The following AFF3 variants were observed in gnomAD, a reference collection of about 807,000 sequenced individuals.
The protein encoded by AFF3 is ALF transcription elongation factor 3, also known as AF4/FMR2 family member 3.
A neutral mutation model predicts 129.7 loss-of-function variants in AFF3; 32 were observed. That is an observed-to-expected ratio of 0.25 (90% CI 0.19 to 0.33). The LOEUF (loss-of-function observed/expected upper bound fraction) is 0.33, where lower values mean the gene tolerates loss of function less well. Among genes scored for constraint, AFF3 ranks in the 10% least tolerant of loss-of-function variants. AFF3 has a pLI of 1.00. For missense variants in AFF3, 1,373 were observed against 1,592.0 expected, an observed-to-expected ratio of 0.86 and a Z score of 2.34; for synonymous variants, 644 against 635.4, an observed-to-expected ratio of 1.01 and a Z score of -0.20.
At chr2:99,999,837 C>T (rs1681216490) in intron 7 of AFF3, among the ~76,000 whole-genome samples, 1 of 152,170 alleles carries the variant, frequency 6.6e-6, no homozygotes, top group African/African-American at 2.4e-5. Context: ...GACATTCCAG[C>T]TCTAGAACCC....
chr2:99,591,430 G>A (rs1002547095), intron 15 of AFF3, among the ~76,000 whole-genome samples: 4 of 152,056 alleles, frequency 2.6e-5, no homozygotes, highest in Admixed American at 6.6e-5. Flanking sequence ...CAGGCAATCC[G>A]CCCATCTCAG....
intron 11 of AFF3, among the ~76,000 whole-genome samples, chr2:99,719,109 G>C (rs1273522885): frequency 8.5e-6 from 1 of 117,786 alleles, no homozygotes; most frequent in Non-Finnish European, 1.7e-5. Flanking sequence ...TTTCCTTCTA[G>C]TCCTAGTTGG....
Position 100,048,508 on chromosome 2 carries a change from A to C in AFF3, c.54-39576T>G, listed in dbSNP as rs1183514371. ...AGTTTTACATGTAATGTACTATGGA[A>C]GTGTATGATTTAATTAGTGAAACCC... On this transcript the variant is annotated intron_variant, in intron 4 of 24. Coordinates refer to ENST00000672756, the MANE Select transcript of AFF3 (RefSeq NM_001386135.1). Among the ~76,000 whole-genome samples, 3 of 152,360 alleles carry C rather than the reference A, an allele frequency of 2.0e-5. No individual in the cohort carries two copies. In the East Asian group the frequency reaches 5.8e-4, roughly 29 times the overall value.
intron 8 of AFF3, among the ~76,000 whole-genome samples, chr2:99,771,262 T>C (rs903887658): frequency 6.6e-6 from 1 of 151,976 alleles, no homozygotes; most frequent in African/African-American, 2.4e-5. Context: ...AGGCCTGCCA[T>C]GGGGGATCAT....
At chr2:99,985,446 C>A (rs529010710) in intron 7 of AFF3, among the ~76,000 whole-genome samples, 52 of 152,238 alleles carry the variant, frequency 3.4e-4, no homozygotes, top group Admixed American at 8.5e-4. Flanking sequence ...CTGCATGGCA[C>A]ATGCAGTAAA....
At chr2:99,814,583 A>C (rs1687065950) in intron 8 of AFF3, among the ~76,000 whole-genome samples, 2 of 152,230 alleles carry the variant, frequency 1.3e-5, no homozygotes, top group East Asian at 1.9e-4. Flanking sequence ...GAACCCTCCA[A>C]TCTCCAATGC....
intron 4 of AFF3, among the ~76,000 whole-genome samples, chr2:100,060,376 C>A (rs1573297318): frequency 6.6e-6 from 1 of 152,124 alleles, no homozygotes; most frequent in African/African-American, 2.4e-5. Flanking sequence ...CTAGAAGGAA[C>A]AAAATAGGGC....
intron 7 of AFF3, among the ~76,000 whole-genome samples, chr2:99,907,376 G>A (rs141609790): frequency 2.6e-5 from 4 of 152,138 alleles, no homozygotes; most frequent in African/African-American, 4.8e-5. Flanking sequence ...CAAGATTAAA[G>A]TGAAGTAATT....
chr2:100,085,932 G>A (rs1689388527), intron 4 of AFF3, among the ~76,000 whole-genome samples: 1 of 152,216 alleles, frequency 6.6e-6, no homozygotes, highest in African/African-American at 2.4e-5. Context: ...CCCGCTGACT[G>A]AGGGTAACTA....
chr2:99,785,938 G>C (rs1684756030), intron 8 of AFF3, among the ~76,000 whole-genome samples: 2 of 152,016 alleles, frequency 1.3e-5, no homozygotes, highest in Admixed American at 6.5e-5. Flanking sequence ...TAGTACAGAT[G>C]GGGTTTCACC....
chr2:99,879,026 T>C (rs1692499735), intron 7 of AFF3, among the ~76,000 whole-genome samples: 2 of 152,146 alleles, frequency 1.3e-5, no homozygotes, highest in South Asian at 2.1e-4. Context: ...ATCAAGTCTA[T>C]ACTCATGGGC....
At chr2:99,755,009 TC>T (rs1681973602) in intron 8 of AFF3, among the ~76,000 whole-genome samples, 1 of 152,136 alleles carries the variant, frequency 6.6e-6, no homozygotes, top group Non-Finnish European at 1.5e-5. Flanking sequence ...CTTTCTTTCT[TC>T]CTTCCCTCCA....
At chr2:99,664,263 A>T (rs1466896276) in intron 12 of AFF3, among the ~76,000 whole-genome samples, 1 of 152,254 alleles carries the variant, frequency 6.6e-6, no homozygotes, top group Non-Finnish European at 1.5e-5. Context: ...CCAGTGTGAA[A>T]ATCATAGGTG....
At chr2:99,620,870 T>C (rs1681934050) in intron 13 of AFF3, among the ~76,000 whole-genome samples, 1 of 152,158 alleles carries the variant, frequency 6.6e-6, no homozygotes, top group Non-Finnish European at 1.5e-5. Flanking sequence ...CTTCTCCCTC[T>C]TCTTGTCATG....
chr2:99,594,938 A>C (rs925129611), intron 14 of AFF3, among the ~76,000 whole-genome samples: 2 of 152,200 alleles, frequency 1.3e-5, no homozygotes, highest in East Asian at 3.8e-4. Flanking sequence ...CTTTGCTAGA[A>C]ATATTTCAAA....
chr2:99,958,931 A>AG (rs1421679102), intron 7 of AFF3, among the ~76,000 whole-genome samples: 2 of 151,910 alleles, frequency 1.3e-5, no homozygotes, highest in Admixed American at 6.6e-5. Context: ...TGGGCAACAT[A>AG]GGGGGGCCCA....
chr2:99,656,592 T>C (rs1228318062), intron 12 of AFF3, among the ~76,000 whole-genome samples: 1 of 152,256 alleles, frequency 6.6e-6, no homozygotes, highest in Non-Finnish European at 1.5e-5. Flanking sequence ...CTTGTACTTA[T>C]TAATTTATTT....
At chr2:99,802,887 A>G (rs1208546095) in intron 8 of AFF3, among the ~76,000 whole-genome samples, 2 of 152,014 alleles carry the variant, frequency 1.3e-5, no homozygotes, top group Non-Finnish European at 2.9e-5. Context: ...TAGGTGTACA[A>G]TCATATTACC....
intron 7 of AFF3, among the ~76,000 whole-genome samples, chr2:99,839,101 T>G (rs1291104007): frequency 6.6e-6 from 1 of 152,130 alleles, no homozygotes; most frequent in Non-Finnish European, 1.5e-5. Context: ...TACCATATGG[T>G]AATCTCTGTT....
Sources: gnomAD v4.1 joint callset for allele counts (sites outside exome capture counted in the v4.1 genomes callset) on GRCh38, gnomAD v4.1.1 for gene constraint, MANE v1.5 for transcripts, NCBI Gene and HGNC (gene_info 2026-07-23, HGNC 2026-07-21) for gene names.